The following CPAMD8 variants were observed in gnomAD, a reference collection of about 807,000 sequenced individuals.
CPAMD8 encodes C3 and PZP-like alpha-2-macroglobulin domain-containing protein 8.
Under a neutral mutation model 224.7 loss-of-function variants are expected in CPAMD8, and 146 were observed. The ratio of observed to expected loss-of-function variants is 0.65; its 90% CI spans 0.57 to 0.75. The LOEUF (loss-of-function observed/expected upper bound fraction) is 0.75, where lower values mean the gene tolerates loss of function less well. CPAMD8 is among the 30% of genes least tolerant of loss of function. The probability of loss-of-function intolerance (pLI) is 0.00; values close to 1 mark genes in which losing one functional copy is unlikely to be tolerated. For missense variants in CPAMD8, 2,301 were observed against 2,537.5 expected (o/e 0.91, Z 2.00); for synonymous variants, 966 against 1,044.6 (o/e 0.92, Z 1.45).
At chr19:16,905,569 G>GAAAAAAAAAAAAA (rs397955787) in intron 30 of CPAMD8, among the ~76,000 whole-genome samples, 2 of 92,702 alleles carry the variant, frequency 2.2e-5, no homozygotes, top group African/African-American at 4.0e-5. Flanking sequence ...AGGAAGAAAA[G>GAAAAAAAAAAAAA]AAAAAAAAAA....
At chr19:17,026,415 C>T in intron 1 of CPAMD8, 136 bp downstream of exon 1, 1 of 1,004,480 alleles carries the variant, frequency 1.0e-6, no homozygotes, top group Non-Finnish European at 1.3e-6. Flanking sequence ...CAAGACGATT[C>T]GGGAACAAGA....
chr19:16,915,890 T>TTTTC lies in CPAMD8; in HGVS notation c.3630-1081_3630-1078dup, dbSNP rs377621381. 7.3e-5 allele frequency among the ~76,000 whole-genome samples: 11 copies of TTTTC among 151,334 alleles called. No individual in the cohort carries two copies. The East Asian group carries it at 7.8e-4, about 11-fold the overall frequency. The stretch of plus-strand genomic sequence containing the variant: ...TTTCTTCTTTCTCTCTTTTCTTTCT[T>TTTTC]TTTCTTTCTTTCTTTCTCTTTCTCT... On this transcript the variant is annotated intron_variant, in intron 27 of 41. Coordinates refer to ENST00000443236, the MANE Select transcript of CPAMD8 (RefSeq NM_015692.5).
intron 35 of CPAMD8, among the ~76,000 whole-genome samples, chr19:16,901,897 G>C (rs1382566832): frequency 2.6e-5 from 4 of 152,150 alleles, no homozygotes; most frequent in Non-Finnish European, 5.9e-5. Flanking sequence ...TCTGAGATGG[G>C]GAACTTGGAC....
intron 22 of CPAMD8, among the ~76,000 whole-genome samples, chr19:16,943,172 C>T (rs1416722153): frequency 2.0e-5 from 3 of 151,734 alleles, no homozygotes; most frequent in East Asian, 1.9e-4. Context: ...TGTGCCACCA[C>T]GCCCAGCTAA....
At chr19:16,955,979 TA>T (rs1314533002) in intron 19 of CPAMD8, among the ~76,000 whole-genome samples, 1 of 152,098 alleles carries the variant, frequency 6.6e-6, no homozygotes, top group Non-Finnish European at 1.5e-5. Flanking sequence ...ACCCCGCCTT[TA>T]AACGGGTGTG....
Position 16,904,269 on chromosome 19 carries a change from A to T in CPAMD8, c.4208T>A (p.Leu1403Gln). 6.3e-7 allele frequency: 1 copy of T among 1,587,786 alleles called. No homozygotes were observed. Among genetic ancestry groups the T allele is most frequent in the Non-Finnish European group, 8.6e-7 (1 of 1,164,212 alleles). Reference sequence around the variant, plus strand: ...CCCAAGTGCATTTCGCTGCTGGGACAGCCACTTCACCACAGGCAGGGCGGC... The same window carrying T: ...CCCAAGTGCATTTCGCTGCTGGGACTGCCACTTCACCACAGGCAGGGCGGC... Reference protein sequence around the residue: ...VAAALPVVKWLSQQRNALGGF... With the variant: ...VAAALPVVKWQSQQRNALGGF... The change falls in exon 32 of 42, where the codon CTG becomes CAG. Residue 1403 changes from leucine (L) to glutamine (Q), a missense_variant. Coordinates refer to ENST00000443236, the MANE Select transcript of CPAMD8 (RefSeq NM_015692.5).
chr19:17,024,376 A>G (rs891680853), intron 1 of CPAMD8, among the ~76,000 whole-genome samples: 1 of 152,190 alleles, frequency 6.6e-6, no homozygotes, highest in African/African-American at 2.4e-5. Flanking sequence ...TGTGTATTAC[A>G]TAACTCCAGC....
intron 7 of CPAMD8, among the ~76,000 whole-genome samples, chr19:17,005,470 C>G (rs909262317): frequency 3.3e-5 from 5 of 151,890 alleles, no homozygotes; most frequent in South Asian, 2.1e-4. Flanking sequence ...AACATCCCCC[C>G]AGAAACACCA....
chr19:16,930,285 C>G (rs1267763086), intron 23 of CPAMD8, among the ~76,000 whole-genome samples: 1 of 151,364 alleles, frequency 6.6e-6, no homozygotes, highest in Non-Finnish European at 1.5e-5. Context: ...AAGAACACAA[C>G]TGGAAAACTC....
chr19:16,954,594 A>G (rs1379105227), intron 19 of CPAMD8, among the ~76,000 whole-genome samples: 1 of 152,210 alleles, frequency 6.6e-6, no homozygotes, highest in Non-Finnish European at 1.5e-5. Flanking sequence ...ATTATTCACA[A>G]TAGCCAAAAG....
At position 16,904,223 on chromosome 19, in the gene CPAMD8, C is replaced by A; in HGVS notation, c.4251+3G>T. On this transcript the variant is annotated splice_donor_region_variant and intron_variant, in intron 32 of 41. Transcript: ENST00000443236. ...CCCCTCCCTCTGGCCCTGCCCGGCT[C>A]GCCTGAGTGGAGGAGAAGCCCCCAA... is the stretch of plus-strand genomic sequence containing the variant. The A allele has an allele frequency of 1.9e-6, 3 of 1,606,794 alleles. No individual in the cohort carries two copies. The South Asian group carries it at 3.3e-5, about 18-fold the overall frequency.
At chr19:16,986,329 C>T (rs2055720390) in intron 13 of CPAMD8, among the ~76,000 whole-genome samples, 2 of 152,090 alleles carry the variant, frequency 1.3e-5, no homozygotes, top group African/African-American at 4.8e-5. Flanking sequence ...GGTTTCTGAG[C>T]CACCTCAAAC....
intron 3 of CPAMD8, among the ~76,000 whole-genome samples, chr19:17,012,401 G>A (rs533594199): frequency 1.1e-4 from 17 of 148,274 alleles, no homozygotes; most frequent in Non-Finnish European, 2.2e-4. Flanking sequence ...AGGCTGGAGT[G>A]CAGTGGTGCA....
chr19:16,897,584 G>A (rs2144695479), intron 39 of CPAMD8, 107 bp downstream of exon 39: 2 of 621,620 alleles, frequency 3.2e-6, no homozygotes, highest in Non-Finnish European at 2.8e-6. Flanking sequence ...ACTTTACGTT[G>A]GCCCCTCCTC....
chr19:16,949,391 T>A (rs1436171702), intron 20 of CPAMD8, among the ~76,000 whole-genome samples: 1 of 152,186 alleles, frequency 6.6e-6, no homozygotes, highest in Non-Finnish European at 1.5e-5. Flanking sequence ...TCTGTGTGTA[T>A]GCTTTCTTTT....
intron 22 of CPAMD8, among the ~76,000 whole-genome samples, chr19:16,944,544 G>A (rs759869517): frequency 2.0e-5 from 3 of 152,162 alleles, no homozygotes; most frequent in Admixed American, 6.5e-5. Context: ...TGGGCCTTAG[G>A]AGGGCAGGCT....
intron 20 of CPAMD8, among the ~76,000 whole-genome samples, chr19:16,951,080 A>C (rs1044625815): frequency 6.6e-6 from 1 of 152,140 alleles, no homozygotes; most frequent in African/African-American, 2.4e-5. Context: ...TCATCGAAAA[A>C]CAGCCCTGCT....
chr19:16,914,656 C>A lies in CPAMD8; in HGVS notation c.3786+1G>T. On this transcript the variant is annotated splice_donor_variant, in intron 28 of 41. Transcript: ENST00000443236. LOFTEE classifies it high-confidence loss of function. ...GGAAGGAGGCTCAAGGGGCCACTCACCTGGATGTCCTTGTTCAGGACCCTG... is the reference window on the plus strand; with the variant it reads ...GGAAGGAGGCTCAAGGGGCCACTCAACTGGATGTCCTTGTTCAGGACCCTG... 6.2e-7 allele frequency: 1 copy of A among 1,613,976 alleles called. No individual in the cohort carries two copies. Among genetic ancestry groups the A allele is most frequent in the Non-Finnish European group, 8.5e-7 (1 of 1,179,928 alleles).
intron 29 of CPAMD8, among the ~76,000 whole-genome samples, chr19:16,912,277 A>C (rs1236501269): frequency 6.6e-6 from 1 of 152,252 alleles, no homozygotes; most frequent in Non-Finnish European, 1.5e-5. Flanking sequence ...TGCTGATCTA[A>C]GAGACCAGAA....
Sources: allele counts gnomAD v4.1 joint callset (sites outside exome capture counted in the v4.1 genomes callset), GRCh38; gene constraint gnomAD v4.1.1; transcripts MANE v1.5; gene names NCBI Gene and HGNC (gene_info 2026-07-23, HGNC 2026-07-21).